RIF1: variants seen among roughly 807,000 people sequenced by gnomAD.
The protein encoded by RIF1 is telomere-associated protein RIF1.
A neutral mutation model predicts 247.1 loss-of-function variants in RIF1; 45 were observed. The ratio of observed to expected loss-of-function variants is 0.18; its 90% CI spans 0.14 to 0.23. RIF1 has a LOEUF of 0.23. Among genes scored for constraint, RIF1 ranks in the 10% least tolerant of loss-of-function variants. RIF1 has a pLI of 1.00. For missense variants in RIF1, 2,967 were observed against 2,862.5 expected, an observed-to-expected ratio of 1.04 and a Z score of -0.83; for synonymous variants, 1,087 against 978.8, an observed-to-expected ratio of 1.11 and a Z score of -2.06.
exon 12 of RIF1, chr2:151,503,061 T>C (rs545974205): frequency 2.2e-5 from 13 of 585,858 alleles, no homozygotes; most frequent in Non-Finnish European, 3.3e-5. Flanking sequence ...ACAATGCTAA[T>C]TCTGGAAATG....
At position 151,465,356 on chromosome 2, in the gene RIF1, A is replaced by C. The variant is rs1018631259; in HGVS notation, c.5836A>C (p.Asn1946His). 6 of 1,613,868 alleles carry C rather than the reference A, an allele frequency of 3.7e-6. No individual in the cohort carries two copies. Among genetic ancestry groups the C allele is most frequent in the Middle Eastern group, 1.7e-4 (1 of 6,060 alleles). The part of the protein sequence containing the change: ...GISEEAAIEE[N>H]KRNDDSEADT... Reference sequence around the variant, plus strand: ...TTCTGAAGAAGCAGCAATAGAAGAAAATAAAAGAAATGATGACTCTGAAGC... The same window carrying C: ...TTCTGAAGAAGCAGCAATAGAAGAACATAAAAGAAATGATGACTCTGAAGC... The change falls in exon 30 of 36, where the codon AAT becomes CAT. Residue 1946 changes from asparagine to histidine, a missense_variant. By Grantham distance (68) the Asn-to-His change is moderately conservative (BLOSUM62 1). Around this residue, in one of 7 missense-constraint regions of RIF1, gnomAD observed 2,028 missense variants for 1,825.6 expected, o/e 1.11. Coordinates refer to ENST00000444746, the MANE Select transcript of RIF1 (RefSeq NM_018151.5).
the RIF1 span, chr2:151,533,293 G>A: frequency 3.4e-6 from 2 of 595,428 alleles, no homozygotes; most frequent in East Asian, 5.6e-5. Flanking sequence ...CACATTCAGA[G>A]ATCATTTACA....
chr2:151,430,842 C>T (rs535576411), intron 9 of RIF1, among the ~76,000 whole-genome samples: 110 of 151,890 alleles, frequency 7.2e-4, no homozygotes, highest in Non-Finnish European at 1.3e-3. Context: ...TTTGTAGAGG[C>T]GGGATTTGAC....
chr2:151,513,758 G>C, the RIF1 span: 1 of 1,124,912 alleles, frequency 8.9e-7, no homozygotes, highest in Non-Finnish European at 1.3e-6. Context: ...TAAACATACA[G>C]GGTGAATGTA....
the RIF1 span, chr2:151,514,562 A>C: frequency 1.3e-6 from 1 of 746,008 alleles, no homozygotes; most frequent in Non-Finnish European, 2.3e-6. Context: ...GAATACAGGC[A>C]GGGTATAAGC....
Position 151,475,024 on chromosome 2 carries a change from A to C in RIF1, c.7372A>C (p.Asn2458His), listed in dbSNP as rs1413198023. 2 of 1,613,704 alleles carry C rather than the reference A, an allele frequency of 1.2e-6. No homozygotes were observed. Among genetic ancestry groups the C allele is most frequent in the Non-Finnish European group, 1.7e-6 (2 of 1,179,732 alleles). ...TTGTATGGCAAACTCTGTAATAAAA[A>C]ATCTACAGTCACGTTGGAGATCACC... ...LSCMANSVIK[N>H]LQSRWRSPSH... Residue 2458 changes from asparagine to histidine, a missense_variant, in exon 36 of 36, where the codon AAT becomes CAT. This residue lies in a region of RIF1 where 151 missense variants were observed against 163.4 expected (regional missense o/e 0.92). Coordinates refer to ENST00000444746, the MANE Select transcript of RIF1 (RefSeq NM_018151.5).
chr2:151,446,949 T>C lies in RIF1; in HGVS notation c.2244+374T>C, dbSNP rs537417466. On this transcript the variant is annotated intron_variant, in intron 20 of 35. Transcript: ENST00000444746. ...ATATAAGTCTCTTTTCTCTTTCTTT[T>C]TTTTTTTTTTTTGAGACGGAGTCTC... is the stretch of plus-strand genomic sequence containing the variant. Among the ~76,000 whole-genome samples, 84 of 91,024 alleles carry C rather than the reference T, an allele frequency of 9.2e-4. 1 individual carries two copies. Among genetic ancestry groups the C allele is most frequent in the African/African-American group, 2.1e-3 (72 of 34,406 alleles). 59.7% of individuals were successfully genotyped at this position (91,024 alleles called of 152,430 possible).
Position 151,490,450 on chromosome 2 carries a change from C to T in RIF1, c.*416-4779C>T, listed in dbSNP as rs766943894. ...GGTGCTTCTGAATGCTCAGACTTCT[C>T]CTCACCCCCACTGATGCTTAGTGCA... is the stretch of plus-strand genomic sequence containing the variant. On this transcript the variant is annotated intron_variant and NMD_transcript_variant, in intron 9 of 13. Coordinates refer to the RIF1 transcript ENST00000454583. 8 of 1,606,570 alleles carry T rather than the reference C, an allele frequency of 5.0e-6. No homozygotes were observed. The highest frequency in any genetic ancestry group is 4.5e-5 in the South Asian group (4 of 89,190).
chr2:151,419,098 G>T lies in RIF1; in HGVS notation c.504-1092G>T, dbSNP rs150403184. ...CCTCCACATCTTGTCATACTGAAAT[G>T]TGTTCAGGGGCAGTAACATGCATGG... On this transcript the variant is annotated intron_variant, in intron 6 of 35. Coordinates refer to ENST00000444746, the MANE Select transcript of RIF1 (RefSeq NM_018151.5). Among the ~76,000 whole-genome samples, 710 of 150,458 alleles carry T rather than the reference G, an allele frequency of 4.7e-3. 26 individuals carry two copies. The East Asian group carries it at 0.11, about 22-fold the overall frequency.
chr2:151,418,639 C>T (rs535912009), intron 6 of RIF1, among the ~76,000 whole-genome samples: 4 of 150,584 alleles, frequency 2.7e-5, no homozygotes, highest in African/African-American at 7.3e-5. Flanking sequence ...CTTTGGGAGG[C>T]CCAGGTGGGT....
intron 21 of RIF1, among the ~76,000 whole-genome samples, chr2:151,454,402 G>T (rs1323150846): frequency 1.3e-5 from 2 of 152,056 alleles, no homozygotes; most frequent in African/African-American, 4.8e-5. Context: ...TTCTTTCTCA[G>T]CTTTGTATCT....
intron 10 of RIF1, among the ~76,000 whole-genome samples, chr2:151,435,096 C>G (rs1020247110): frequency 6.6e-6 from 1 of 151,994 alleles, no homozygotes; most frequent in Non-Finnish European, 1.5e-5. Context: ...TGCATTTGTC[C>G]AATACATTAA....
At chr2:151,533,297 AT>A in the RIF1 span, 1 of 603,480 alleles carries the variant, frequency 1.7e-6, no homozygotes, top group Non-Finnish European at 2.9e-6. Context: ...TTCAGAGATC[AT>A]TTACAAGGAA....
At position 151,467,987 on chromosome 2, in the gene RIF1, C is replaced by A; in HGVS notation, c.6601-13C>A. 1 of 1,589,410 alleles carries A rather than the reference C, an allele frequency of 6.3e-7. No homozygotes were observed. The highest frequency in any genetic ancestry group is 8.5e-7 in the Non-Finnish European group (1 of 1,170,982). On this transcript the variant is annotated splice_polypyrimidine_tract_variant and intron_variant, in intron 30 of 35. Transcript: ENST00000444746. ...TTAATTTTGTTAAGTAAAATCCTGA[C>A]CTGTGTTTTCAGGTTCGCCGTGTCT... is the stretch of plus-strand genomic sequence containing the variant.
rs1466917988 is a variant in RIF1, at chr2:151,479,692, G to T, written c.*4621G>T. 1 of 152,158 alleles carries T rather than the reference G, an allele frequency of 6.6e-6. No individual in the cohort carries two copies. The highest frequency in any genetic ancestry group is 1.9e-4 in the East Asian group (1 of 5,198). 9.4% of individuals were successfully genotyped at this position (152,158 alleles called of 1,614,324 possible). On this transcript the variant is annotated 3_prime_UTR_variant, in exon 36 of 36. Coordinates refer to ENST00000444746, the MANE Select transcript of RIF1 (RefSeq NM_018151.5). ...AAAGTGAAATTTGAAAGATGGAGTT[G>T]AATAATATGATTCTCGAAAAGTGAG...
intron 27 of RIF1, among the ~76,000 whole-genome samples, chr2:151,461,921 T>A (rs1696238488): frequency 6.6e-6 from 1 of 152,202 alleles, no homozygotes; most frequent in African/African-American, 2.4e-5. Flanking sequence ...TTACCCAGGC[T>A]GGAGTGCAGT....
At chr2:151,456,484 A>G in intron 22 of RIF1, 94 bp from the exon 23 acceptor site, 2 of 686,540 alleles carry the variant, frequency 2.9e-6, no homozygotes, top group Non-Finnish European at 5.0e-6. Flanking sequence ...TATATTTATT[A>G]TGTCTTTATT....
chr2:151,521,705 A>T, the RIF1 span, among the ~76,000 whole-genome samples: 2 of 152,186 alleles, frequency 1.3e-5, no homozygotes, highest in African/African-American at 4.8e-5. Flanking sequence ...AATCCCATTG[A>T]TTCCACTTCA....
rs896750556 is a variant in RIF1 at position 151,462,757 on chromosome 2, C to A, written c.3364-127C>A. 2.1e-5 allele frequency: 14 copies of A among 670,240 alleles called. No individual in the cohort carries two copies. The Admixed American group carries it at 3.5e-4, about 17-fold the overall frequency. 41.5% of individuals were successfully genotyped at this position (670,240 alleles called of 1,614,324 possible). The stretch of plus-strand genomic sequence containing the variant: ...CTACCACTAACTTTGGAATAGTTGC[C>A]ATATATTGAATGTCAGTGATTATCT... On this transcript the variant is annotated intron_variant, in intron 29 of 35. Coordinates refer to ENST00000444746, the MANE Select transcript of RIF1 (RefSeq NM_018151.5).
Sources: allele counts gnomAD v4.1 joint callset (sites outside exome capture counted in the v4.1 genomes callset), GRCh38; gene constraint gnomAD v4.1.1; regional missense constraint gnomAD v4.1.1; transcripts MANE v1.5; gene names NCBI Gene and HGNC (gene_info 2026-07-23, HGNC 2026-07-21).